MAML3: variants seen among roughly 807,000 people sequenced by gnomAD.
The protein encoded by MAML3 is mastermind like transcriptional coactivator 3.
In MAML3, 27 loss-of-function variants were observed where a neutral mutation model predicts 101.9. That is an observed-to-expected ratio of 0.27 (90% CI 0.20 to 0.37). The LOEUF (loss-of-function observed/expected upper bound fraction) is 0.37. MAML3 is among the 10% of genes least tolerant of loss of function. The pLI is 1.00. For synonymous variants in MAML3, 501 were observed against 555.9 expected, an observed-to-expected ratio of 0.90 and a Z score of 1.39; for missense variants, 1,316 against 1,444.9, an observed-to-expected ratio of 0.91 and a Z score of 1.45.
chr4:139,912,003 G>C (rs891035051), intron 1 of MAML3, among the ~76,000 whole-genome samples: 1 of 152,208 alleles, frequency 6.6e-6, no homozygotes, highest in Non-Finnish European at 1.5e-5. Flanking sequence ...AATAATGCTA[G>C]TAATGCATGT....
Position 139,798,034 on chromosome 4 carries a change from G to GAGAGAGAGAGAA in MAML3, c.2080-67368_2080-67367insTTCTCTCTCTCT, listed in dbSNP as rs1308897622. Among the ~76,000 whole-genome samples, 696 of 124,486 alleles carry GAGAGAGAGAGAA rather than the reference G, an allele frequency of 5.6e-3. 5 individuals are homozygous for GAGAGAGAGAGAA. Among genetic ancestry groups the GAGAGAGAGAGAA allele is most frequent in the Non-Finnish European group, 7.7e-3 (465 of 60,022 alleles). 81.7% of individuals were successfully genotyped at this position (124,486 alleles called of 152,430 possible). On this transcript the variant is annotated intron_variant, in intron 2 of 4. Transcript: ENST00000509479. ...AAAGGAAGGAAAGAAAGGAGAGAGA[G>GAGAGAGAGAGAA]AGAAAGAAAGAAAGAAAGAAAGAAA...
intron 1 of MAML3, among the ~76,000 whole-genome samples, chr4:140,084,935 G>A (rs892546875): frequency 3.9e-5 from 6 of 152,018 alleles, no homozygotes; most frequent in East Asian, 3.9e-4. Context: ...TAAAAACATC[G>A]GGGGGCGGCA....
rs536461986 is a variant in MAML3 at position 140,118,095 on chromosome 4, A to G, written c.468+34765T>C. On this transcript the variant is annotated intron_variant, in intron 1 of 4. Coordinates refer to ENST00000509479, the MANE Select transcript of MAML3 (RefSeq NM_018717.5). ...TTTCTTCAGAGCCTACAGCTAGACA[A>G]CCACCACAAAAAATGTTCTCTCTGA... Among the ~76,000 whole-genome samples the G allele has an allele frequency of 6.6e-5, 10 of 152,082 alleles. No individual in the cohort carries two copies. In the East Asian group the frequency reaches 1.9e-3, roughly 29 times the overall value.
At chr4:140,025,456 G>A (rs1726806807) in intron 1 of MAML3, among the ~76,000 whole-genome samples, 1 of 152,076 alleles carries the variant, frequency 6.6e-6, no homozygotes. Flanking sequence ...TCATGATAGA[G>A]TATCTTGATA....
intron 1 of MAML3, among the ~76,000 whole-genome samples, chr4:139,916,851 T>G (rs1050904532): frequency 1.3e-5 from 2 of 152,234 alleles, no homozygotes; most frequent in African/African-American, 2.4e-5. Flanking sequence ...TCCTCTCCCA[T>G]TAACAATTTT....
intron 2 of MAML3, among the ~76,000 whole-genome samples, chr4:139,736,723 A>G (rs1378731815): frequency 6.6e-6 from 1 of 152,142 alleles, no homozygotes; most frequent in Non-Finnish European, 1.5e-5. Context: ...AGAAATGCAA[A>G]TTCCCAGGCT....
intron 1 of MAML3, among the ~76,000 whole-genome samples, chr4:139,935,369 A>G (rs951187069): frequency 6.6e-6 from 1 of 152,206 alleles, no homozygotes; most frequent in South Asian, 2.1e-4. Flanking sequence ...AATTATCTTT[A>G]AAGTTATAAA....
chr4:139,747,363 T>A lies in MAML3; in HGVS notation c.2080-16696A>T, dbSNP rs866227351. On this transcript the variant is annotated intron_variant, in intron 2 of 4. Transcript: ENST00000509479. Reference sequence around the variant, plus strand: ...TTAGCATCTGCATGCATCTCTTTAGTTAGAGAATGAATTCTAGGGGGAAGA... The same window carrying A: ...TTAGCATCTGCATGCATCTCTTTAGATAGAGAATGAATTCTAGGGGGAAGA... Among the ~76,000 whole-genome samples the A allele has an allele frequency of 3.3e-4, 50 of 152,304 alleles. 1 individual carries two copies. The highest frequency in any genetic ancestry group is 4.6e-4 in the Admixed American group (7 of 15,298).
chr4:139,773,277 A>G (rs1730030690), intron 2 of MAML3, among the ~76,000 whole-genome samples: 1 of 152,172 alleles, frequency 6.6e-6, no homozygotes, highest in African/African-American at 2.4e-5. Flanking sequence ...CCCAGTCCCA[A>G]GCATCCTGTT....
chr4:139,799,316 T>A (rs2111100540), intron 2 of MAML3, among the ~76,000 whole-genome samples: 1 of 152,354 alleles, frequency 6.6e-6, no homozygotes, highest in South Asian at 2.1e-4. Context: ...CTTGGAGTGA[T>A]TCTTGCAAAG....
chr4:140,062,942 C>T (rs539784031), intron 1 of MAML3, among the ~76,000 whole-genome samples: 46 of 152,318 alleles, frequency 3.0e-4, no homozygotes, highest in African/African-American at 1.1e-3. Context: ...AAGTGAGTAA[C>T]TGCAACATTT....
At chr4:140,128,755 G>A (rs748089754) in intron 1 of MAML3, among the ~76,000 whole-genome samples, 14 of 152,118 alleles carry the variant, frequency 9.2e-5, no homozygotes, top group South Asian at 2.1e-4. Flanking sequence ...AACAACCATC[G>A]CTAGTGGGCC....
intron 2 of MAML3, among the ~76,000 whole-genome samples, chr4:139,781,884 A>G (rs1184821600): frequency 6.6e-6 from 1 of 152,204 alleles, no homozygotes; most frequent in East Asian, 1.9e-4. Context: ...GAAAATCCCC[A>G]TGTGCAACCA....
intron 2 of MAML3, among the ~76,000 whole-genome samples, chr4:139,791,724 G>T (rs1450102206): frequency 6.6e-6 from 1 of 152,080 alleles, no homozygotes; most frequent in African/African-American, 2.4e-5. Context: ...GAGCTATTTG[G>T]TCACAAAGCA....
rs925675107 is a variant in MAML3 at position 140,099,706 on chromosome 4, T to C, written c.468+53154A>G. 5.9e-5 allele frequency among the ~76,000 whole-genome samples: 9 copies of C among 152,292 alleles called. No individual in the cohort carries two copies. The East Asian group carries it at 1.7e-3, about 29-fold the overall frequency. On this transcript the variant is annotated intron_variant, in intron 1 of 4. Coordinates refer to ENST00000509479, the MANE Select transcript of MAML3 (RefSeq NM_018717.5). ...TAAATTAGATAAAGGATGAGCAGAA[T>C]GTCTGAACACATGTTTGGCAATCAG...
At chr4:139,739,956 C>A (rs1475490166) in intron 2 of MAML3, among the ~76,000 whole-genome samples, 1 of 152,132 alleles carries the variant, frequency 6.6e-6, no homozygotes, top group East Asian at 1.9e-4. Flanking sequence ...CTATTTCTCC[C>A]TGAGCCCACC....
At chr4:140,003,179 C>T (rs543567334) in intron 1 of MAML3, among the ~76,000 whole-genome samples, 9 of 152,140 alleles carry the variant, frequency 5.9e-5, no homozygotes, top group Middle Eastern at 3.2e-3. Context: ...GTTGATGGCA[C>T]GAGGACTTCA....
intron 1 of MAML3, among the ~76,000 whole-genome samples, chr4:140,030,858 A>T (rs1190794977): frequency 6.6e-6 from 1 of 152,246 alleles, no homozygotes; most frequent in Non-Finnish European, 1.5e-5. Context: ...TTACCTCTCC[A>T]GGCACTGCTG....
intron 1 of MAML3, among the ~76,000 whole-genome samples, chr4:139,960,250 A>G (rs1200457442): frequency 6.6e-6 from 1 of 152,224 alleles, no homozygotes; most frequent in Non-Finnish European, 1.5e-5. Flanking sequence ...AAAATTCTCG[A>G]ATTTCATTGT....
Sources: allele counts gnomAD v4.1 joint callset (sites outside exome capture counted in the v4.1 genomes callset), GRCh38; gene constraint gnomAD v4.1.1; transcripts MANE v1.5; gene names NCBI Gene and HGNC (gene_info 2026-07-23, HGNC 2026-07-21).